Variants in ARHGAP10 observed in about 807,000 individuals in gnomAD.
The protein encoded by ARHGAP10 is rho GTPase-activating protein 10.
ARHGAP10 carries 87 observed loss-of-function variants against 108.6 expected under a neutral mutation model. The ratio of observed to expected loss-of-function variants is 0.80; its 90% confidence interval spans 0.67 to 0.96. The LOEUF (loss-of-function observed/expected upper bound fraction) is 0.96, where lower values mean the gene tolerates loss of function less well. ARHGAP10 is among the 40% of genes least tolerant of loss of function. The probability of loss-of-function intolerance (pLI) is 0.00; values close to 1 mark genes in which losing one functional copy is unlikely to be tolerated. For synonymous variants in ARHGAP10, 347 were observed against 341.1 expected, an observed-to-expected ratio of 1.02 and a Z score of -0.19; for missense variants, 939 against 954.5, an observed-to-expected ratio of 0.98 and a Z score of 0.21.
At chr4:147,922,430 C>T (rs1365992859) in intron 13 of ARHGAP10, among the ~76,000 whole-genome samples, 3 of 151,758 alleles carry the variant, frequency 2.0e-5, no homozygotes, top group African/African-American at 7.3e-5. Flanking sequence ...TGGCTCACGC[C>T]TGTAATCCCA....
At chr4:148,058,394 A>G (rs1729453869) in intron 20 of ARHGAP10, among the ~76,000 whole-genome samples, 1 of 151,968 alleles carries the variant, frequency 6.6e-6, no homozygotes, top group Non-Finnish European at 1.5e-5. Context: ...TCTTTTCTTA[A>G]TGCGTATTCT....
At chr4:148,028,007 T>TA (rs1386720512) in intron 19 of ARHGAP10, among the ~76,000 whole-genome samples, 2 of 152,154 alleles carry the variant, frequency 1.3e-5, no homozygotes, top group Non-Finnish European at 2.9e-5. Flanking sequence ...TCCTGCCACA[T>TA]ACGGTTTTTC....
At chr4:147,912,594 T>G (rs1471112126) in intron 12 of ARHGAP10, among the ~76,000 whole-genome samples, 1 of 100,028 alleles carries the variant, frequency 1.0e-5, no homozygotes. Context: ...TATATATATA[T>G]ATATAAAATT....
At chr4:147,943,885 C>T (rs1210110876) in intron 14 of ARHGAP10, among the ~76,000 whole-genome samples, 1 of 152,180 alleles carries the variant, frequency 6.6e-6, no homozygotes, top group Non-Finnish European at 1.5e-5. Flanking sequence ...AACATAGACA[C>T]TGTGTAGTCA....
At chr4:147,958,649 T>C (rs113812536) in intron 16 of ARHGAP10, among the ~76,000 whole-genome samples, 1,968 of 152,308 alleles carry the variant, frequency 0.013, 44 homozygotes, top group African/African-American at 0.045. Flanking sequence ...TCACGGTAGA[T>C]ACGAATGCCA....
intron 7 of ARHGAP10, among the ~76,000 whole-genome samples, chr4:147,867,787 C>T (rs1272814882): frequency 2.0e-5 from 3 of 147,088 alleles, no homozygotes; most frequent in Non-Finnish European, 4.4e-5. Flanking sequence ...TTGCTTGAAT[C>T]CGGGAGGTGG....
At chr4:148,040,708 C>G (rs1328080552) in intron 19 of ARHGAP10, among the ~76,000 whole-genome samples, 3 of 152,198 alleles carry the variant, frequency 2.0e-5, no homozygotes, top group Non-Finnish European at 4.4e-5. Flanking sequence ...AACCATAAAC[C>G]TTTGGCTAAT....
intron 1 of ARHGAP10, among the ~76,000 whole-genome samples, chr4:147,765,829 A>G (rs1187088789): frequency 6.6e-6 from 1 of 152,048 alleles, no homozygotes; most frequent in Non-Finnish European, 1.5e-5. Flanking sequence ...TCATGCAAAC[A>G]GTATCTGAAG....
intron 10 of ARHGAP10, among the ~76,000 whole-genome samples, chr4:147,898,204 A>C (rs62330735): frequency 0.71 from 107,405 of 151,922 alleles, 44,110 homozygotes; most frequent in Non-Finnish European, 0.92. Flanking sequence ...CTTGTAATGC[A>C]GGTCTGCTAG....
At chr4:148,023,239 C>T (rs750957094) in intron 18 of ARHGAP10, 24 bp from the exon 19 acceptor site, 3 of 1,612,360 alleles carry the variant, frequency 1.9e-6, no homozygotes, top group Non-Finnish European at 2.5e-6. Context: ...TAAATAATTC[C>T]TGTCCTTTAT....
rs57931206 is a variant in ARHGAP10, at chr4:148,043,614, AATATATATATATATATATATATATAT to A, written c.1868-3265_1868-3240del. On this transcript the variant is annotated intron_variant, in intron 19 of 22. Coordinates refer to ENST00000336498, the MANE Select transcript of ARHGAP10 (RefSeq NM_024605.4). ...GACAACATAGGGAGACCCTCTCTCT[AATATATATATATATATATATATATAT>A]ATATATATATATTTTAGGTGTATAA... Among the ~76,000 whole-genome samples the A allele has an allele frequency of 8.3e-3, 455 of 54,994 alleles. 34 individuals carry two copies. In the East Asian group the frequency reaches 0.14, roughly 17 times the overall value. 36.1% of individuals were successfully genotyped at this position (54,994 alleles called of 152,430 possible).
chr4:147,838,638 G>T (rs1229637798), intron 3 of ARHGAP10, among the ~76,000 whole-genome samples: 2 of 152,072 alleles, frequency 1.3e-5, no homozygotes, highest in Non-Finnish European at 2.9e-5. Flanking sequence ...GCCTCAACTA[G>T]CCTCCCACCT....
rs942190443 is a variant in ARHGAP10, at chr4:147,737,391, G to A, written c.154+4936G>A. 5.5e-5 allele frequency among the ~76,000 whole-genome samples: 8 copies of A among 146,178 alleles called. No homozygotes were observed. The East Asian group carries it at 1.6e-3, about 29-fold the overall frequency. ...GTTGGTCTTGAACTCCTGGCCTCAT[G>A]TGATCCGTCCACCTCGGCCTCCCAA... On this transcript the variant is annotated intron_variant, in intron 1 of 22. Transcript: ENST00000336498.
At chr4:147,985,557 A>G (rs1740010570) in intron 18 of ARHGAP10, among the ~76,000 whole-genome samples, 2 of 152,178 alleles carry the variant, frequency 1.3e-5, no homozygotes, top group South Asian at 4.1e-4. Context: ...CTGTTGGGTT[A>G]CTTTCTATAT....
intron 18 of ARHGAP10, among the ~76,000 whole-genome samples, chr4:147,985,951 G>A (rs1740029160): frequency 6.6e-6 from 1 of 150,894 alleles, no homozygotes; most frequent in Non-Finnish European, 1.5e-5. Context: ...CATGGAGGCT[G>A]TTTGCCCACC....
chr4:147,864,698 A>ACAATAC, intron 5 of ARHGAP10, 148 bp from the exon 6 acceptor site: 1 of 608,230 alleles, frequency 1.6e-6, no homozygotes, highest in African/African-American at 1.9e-5. Context: ...TACATAAATG[A>ACAATAC]ATTGTCGTAC....
chr4:147,762,384 G>A (rs1729622696), intron 1 of ARHGAP10, among the ~76,000 whole-genome samples: 1 of 151,942 alleles, frequency 6.6e-6, no homozygotes, highest in Non-Finnish European at 1.5e-5. Context: ...CTTTAGCATT[G>A]GTAGACCTAA....
intron 10 of ARHGAP10, among the ~76,000 whole-genome samples, chr4:147,904,161 G>A (rs1157212850): frequency 2.6e-5 from 4 of 152,100 alleles, no homozygotes; most frequent in Admixed American, 6.6e-5. Context: ...TAGTGAGTGT[G>A]TTGTATTTCA....
At chr4:147,877,819 C>CTTTTTTTTTTTTTTTTTTTTTTTTTTTT (rs549355620) in intron 8 of ARHGAP10, among the ~76,000 whole-genome samples, 2 of 131,500 alleles carry the variant, frequency 1.5e-5, no homozygotes, top group East Asian at 2.2e-4. Flanking sequence ...ATTCTTCATA[C>CTTTTTTTTTTTTTTTTTTTTTTTTTTTT]TTTTTTTTTT....
Sources: allele counts gnomAD v4.1 joint callset (sites outside exome capture counted in the v4.1 genomes callset), GRCh38; gene constraint gnomAD v4.1.1; transcripts MANE v1.5; gene names NCBI Gene and HGNC (gene_info 2026-07-23, HGNC 2026-07-21).